SMCO2: variants seen among roughly 807,000 people sequenced by gnomAD.
SMCO2 encodes single-pass membrane protein with coiled-coil domains 2, also known as single-pass membrane and coiled-coil domain-containing protein 2.
SMCO2 carries 25 observed loss-of-function variants against 29.5 expected under a neutral mutation model. That is an observed-to-expected ratio of 0.85 (90% CI 0.62 to 1.18). The LOEUF is 1.18. Among genes scored for constraint, SMCO2 ranks in the 50% most tolerant of loss-of-function variants. The pLI is 0.00. For missense variants in SMCO2, 348 were observed against 344.5 expected (o/e 1.01, Z -0.08); for synonymous variants, 117 against 123.3 (o/e 0.95, Z 0.34).
the SMCO2 span, among the ~76,000 whole-genome samples, chr12:27,428,185 A>G: frequency 5.9e-5 from 9 of 152,052 alleles, no homozygotes; most frequent in Non-Finnish European, 8.8e-5. Flanking sequence ...TCTTGTAAAT[A>G]ATTTGTTAGT....
At chr12:27,465,028 CAAAAAAAAAAA>C (rs35630976), upstream of SMCO2, among the ~76,000 whole-genome samples, 99 of 60,566 alleles carry the variant, frequency 1.6e-3, no homozygotes, top group African/African-American at 5.5e-3. Context: ...GACCCTGTCT[CAAAAAAAAAAA>C]AAAAAAAAAA....
At chr12:27,462,858 A>T (rs1949469004), upstream of SMCO2, among the ~76,000 whole-genome samples, 2 of 152,214 alleles carry the variant, frequency 1.3e-5, no homozygotes, top group Admixed American at 1.3e-4. Flanking sequence ...TTACTTCCTG[A>T]AATCTCTGGG....
the SMCO2 span, among the ~76,000 whole-genome samples, chr12:27,431,885 A>G: frequency 6.6e-6 from 1 of 152,230 alleles, no homozygotes; most frequent in African/African-American, 2.4e-5. Context: ...ACCAGTGCAT[A>G]AGGGTTCCAG....
At chr12:27,445,048 A>G in the SMCO2 span, among the ~76,000 whole-genome samples, 2 of 152,180 alleles carry the variant, frequency 1.3e-5, no homozygotes, top group Non-Finnish European at 2.9e-5. Context: ...AGCAACATGG[A>G]TAGAAATGGA....
At chr12:27,458,102 A>T in the SMCO2 span, among the ~76,000 whole-genome samples, 2 of 152,238 alleles carry the variant, frequency 1.3e-5, no homozygotes, top group Non-Finnish European at 2.9e-5. Flanking sequence ...GCTTAAATTA[A>T]TATGCAGTTA....
chr12:27,473,330 G>A (rs1156537409), intron 3 of SMCO2, among the ~76,000 whole-genome samples: 2 of 152,116 alleles, frequency 1.3e-5, no homozygotes, highest in Non-Finnish European at 2.9e-5. Context: ...TCAGTGGCTT[G>A]TAGCTACATA....
chr12:27,429,270 T>A, the SMCO2 span, among the ~76,000 whole-genome samples: 2 of 152,056 alleles, frequency 1.3e-5, no homozygotes, highest in Non-Finnish European at 2.9e-5. Flanking sequence ...AAGAAGAAAA[T>A]AAAAATCACC....
intron 3 of SMCO2, among the ~76,000 whole-genome samples, 160 bp from the exon 4 acceptor site, chr12:27,474,626 A>G (rs76647106): frequency 0.017 from 2,617 of 152,270 alleles, 78 homozygotes; most frequent in African/African-American, 0.058. Context: ...ACAGAGCAGA[A>G]GGGCATGTCT....
At chr12:27,456,343 G>A in the SMCO2 span, among the ~76,000 whole-genome samples, 2,651 of 152,318 alleles carry the variant, frequency 0.017, 80 homozygotes, top group African/African-American at 0.059. Flanking sequence ...CCTCTGGGGT[G>A]AGAAGTGGAA....
chr12:27,464,724 A>T (rs1949484331), upstream of SMCO2, among the ~76,000 whole-genome samples: 1 of 149,078 alleles, frequency 6.7e-6, no homozygotes, highest in Non-Finnish European at 1.5e-5. Flanking sequence ...CTCAAAAAAA[A>T]AAAAAAAAAA....
chr12:27,470,589 A>G, intron 1 of SMCO2, 33 bp from the exon 2 acceptor site: 1 of 1,536,600 alleles, frequency 6.5e-7, no homozygotes, highest in Non-Finnish European at 8.8e-7. Flanking sequence ...TTCTGCCATA[A>G]AATCCCTCTT....
chr12:27,498,226 C>A, intron 7 of SMCO2: 1 of 307,528 alleles, frequency 3.3e-6, no homozygotes. Context: ...TGTGTGGTTT[C>A]ACTAGAACCA....
intron 3 of SMCO2, among the ~76,000 whole-genome samples, chr12:27,474,545 T>C (rs909487490): frequency 6.6e-6 from 1 of 152,170 alleles, no homozygotes; most frequent in Non-Finnish European, 1.5e-5. Context: ...CGATTACTCA[T>C]CAGGACTGAA....
At chr12:27,428,190 G>C in the SMCO2 span, among the ~76,000 whole-genome samples, 1 of 152,168 alleles carries the variant, frequency 6.6e-6, no homozygotes, top group Middle Eastern at 3.4e-3. Context: ...TAAATAATTT[G>C]TTAGTTTTAC....
chr12:27,454,961 G>T, the SMCO2 span, among the ~76,000 whole-genome samples: 23 of 152,310 alleles, frequency 1.5e-4, no homozygotes, highest in African/African-American at 5.1e-4. Context: ...TTTAATAGCT[G>T]CATGGCCTTC....
chr12:27,462,432 C>T (rs1005440367), upstream of SMCO2, among the ~76,000 whole-genome samples: 1 of 152,176 alleles, frequency 6.6e-6, no homozygotes, highest in Admixed American at 6.5e-5. Flanking sequence ...CCCAGATGTA[C>T]AATGAATAAT....
exon 8 of SMCO2, chr12:27,502,159 C>G (rs1031433218): frequency 2.1e-6 from 3 of 1,424,194 alleles, no homozygotes; most frequent in African/African-American, 1.7e-5. Context: ...GACTTTCTCA[C>G]CAGTAAACAT....
chr12:27,448,578 G>A, the SMCO2 span, among the ~76,000 whole-genome samples: 3 of 152,152 alleles, frequency 2.0e-5, no homozygotes, highest in African/African-American at 4.8e-5. Flanking sequence ...AGACCCTTAA[G>A]CTCCTTAAGC....
chr12:27,435,763 A>G, the SMCO2 span, among the ~76,000 whole-genome samples: 1 of 152,090 alleles, frequency 6.6e-6, no homozygotes, highest in African/African-American at 2.4e-5. Flanking sequence ...TTTCTACACT[A>G]GAGATACCAG....
Sources: gnomAD v4.1 joint callset for allele counts (sites outside exome capture counted in the v4.1 genomes callset) on GRCh38, gnomAD v4.1.1 for gene constraint, MANE v1.5 for transcripts, NCBI Gene and HGNC (gene_info 2026-07-23, HGNC 2026-07-21) for gene names.